Variants in LARS2 observed in about 807,000 individuals in gnomAD.
LARS2 encodes the protein leucine--tRNA ligase, mitochondrial.
In LARS2, 81 loss-of-function variants were observed where a neutral mutation model predicts 116.6. That is an observed-to-expected ratio of 0.69 (90% CI 0.58 to 0.84). LARS2 has a LOEUF of 0.84. LARS2 is among the 40% of genes least tolerant of loss of function. The probability of loss-of-function intolerance (pLI) is 0.00; values close to 1 mark genes in which losing one functional copy is unlikely to be tolerated. For missense variants in LARS2, 968 were observed against 1,114.5 expected (o/e 0.87, Z 1.87); for synonymous variants, 396 against 407.2 (o/e 0.97, Z 0.33).
intron 4 of LARS2, among the ~76,000 whole-genome samples, chr3:45,409,111 C>T (rs1698283352): frequency 2.0e-5 from 3 of 152,126 alleles, no homozygotes; most frequent in African/African-American, 7.2e-5. Flanking sequence ...CTGCAGAATG[C>T]ATTCATGTCC....
At chr3:45,509,319 G>A (rs1700247890) in intron 15 of LARS2, 1 of 152,126 alleles carries the variant, frequency 6.6e-6, no homozygotes, top group African/African-American at 2.4e-5. Flanking sequence ...ACCATCTGTT[G>A]AGTGAATGAA....
intron 3 of LARS2, among the ~76,000 whole-genome samples, chr3:45,397,273 A>T (rs1407825777): frequency 6.6e-6 from 1 of 152,198 alleles, no homozygotes; most frequent in Admixed American, 6.5e-5. Flanking sequence ...CCACCCCCAG[A>T]TGATAGAACT....
intron 15 of LARS2, among the ~76,000 whole-genome samples, chr3:45,509,939 G>A (rs1700261841): frequency 1.3e-5 from 2 of 151,942 alleles, no homozygotes. Context: ...ATAGCATCCA[G>A]TGCCCCACTT....
intron 4 of LARS2, among the ~76,000 whole-genome samples, chr3:45,408,635 C>G (rs537846205): frequency 2.2e-4 from 34 of 152,298 alleles, no homozygotes; most frequent in African/African-American, 8.2e-4. Flanking sequence ...CTGGTTTGGT[C>G]TTCACTAATC....
chr3:45,487,260 G>A (rs1559484600), intron 11 of LARS2, among the ~76,000 whole-genome samples: 2 of 152,078 alleles, frequency 1.3e-5, no homozygotes, highest in Non-Finnish European at 2.9e-5. Flanking sequence ...ACACCTTTTG[G>A]TAGTATATTT....
chr3:45,521,774 T>A (rs1028453960), intron 19 of LARS2, among the ~76,000 whole-genome samples: 1 of 152,178 alleles, frequency 6.6e-6, no homozygotes, highest in African/African-American at 2.4e-5. Flanking sequence ...GTTTTTGTTT[T>A]TTTTTAAATA....
intron 7 of LARS2, among the ~76,000 whole-genome samples, chr3:45,455,292 G>GCAGTACCAAGTATTCA (rs1230533016): frequency 6.7e-6 from 1 of 150,286 alleles, no homozygotes; most frequent in Non-Finnish European, 1.5e-5. Flanking sequence ...CTTGCAATCT[G>GCAGTACCAAGTATTCA]CAGTACCAAG....
chr3:45,427,135 G>T (rs1698607364), intron 6 of LARS2, among the ~76,000 whole-genome samples: 2 of 152,148 alleles, frequency 1.3e-5, no homozygotes, highest in Non-Finnish European at 2.9e-5. Flanking sequence ...ACTGAATCAG[G>T]CCTCCAGATC....
intron 19 of LARS2, 139 bp downstream of exon 19, chr3:45,520,435 C>T (rs1039349493): frequency 1.7e-6 from 1 of 605,286 alleles, no homozygotes; most frequent in African/African-American, 1.9e-5. Context: ...CTTAAGGAAA[C>T]ATTTTTCCAT....
chr3:45,501,486 C>T lies in LARS2; in HGVS notation c.1760+907C>T, dbSNP rs995855303. Among the ~76,000 whole-genome samples, 7 of 152,086 alleles carry T rather than the reference C, an allele frequency of 4.6e-5. No homozygotes were observed. In the East Asian group the frequency reaches 9.7e-4, roughly 21 times the overall value. On this transcript the variant is annotated intron_variant, in intron 15 of 21. Coordinates refer to ENST00000645846, the MANE Select transcript of LARS2 (RefSeq NM_015340.4). ...GTTTTTTGAGATTCAGCAGTGCTGA[C>T]GGATGAAGTTATATTTCATTCCTGT...
intron 8 of LARS2, among the ~76,000 whole-genome samples, chr3:45,463,012 T>C (rs1699359280): frequency 6.6e-6 from 1 of 152,234 alleles, no homozygotes; most frequent in African/African-American, 2.4e-5. Context: ...AGTAGGAGTA[T>C]CTGAAGAACA....
At chr3:45,408,618 C>T (rs1698273277) in intron 4 of LARS2, among the ~76,000 whole-genome samples, 1 of 152,228 alleles carries the variant, frequency 6.6e-6, no homozygotes, top group African/African-American at 2.4e-5. Flanking sequence ...CTCTCTCTCT[C>T]TCTGCCCTGG....
Position 45,491,501 on chromosome 3 carries a change from T to C in LARS2, c.1240-16T>C, listed in dbSNP as rs768048709. 16 of 1,612,016 alleles carry C rather than the reference T, an allele frequency of 9.9e-6. No individual in the cohort carries two copies. The highest frequency in any genetic ancestry group is 1.4e-5 in the Non-Finnish European group (16 of 1,178,270). On this transcript the variant is annotated splice_polypyrimidine_tract_variant and intron_variant, in intron 12 of 21. Transcript: ENST00000645846. ...CTATGCGGAGAGGAGTGAGCTTTCT[T>C]TTCTTTCCCTGTCAGTTCACAGGTA... is the stretch of plus-strand genomic sequence containing the variant.
intron 7 of LARS2, among the ~76,000 whole-genome samples, chr3:45,449,444 G>A (rs1049062538): frequency 1.3e-5 from 2 of 152,120 alleles, no homozygotes; most frequent in Admixed American, 6.5e-5. Context: ...TTATAGGCAT[G>A]AGCCACCATA....
At chr3:45,527,755 A>G (rs967158842) in intron 20 of LARS2, among the ~76,000 whole-genome samples, 2 of 152,256 alleles carry the variant, frequency 1.3e-5, no homozygotes, top group Non-Finnish European at 2.9e-5. Context: ...TGTGTTTCAC[A>G]GTGACCTTGT....
At chr3:45,400,119 C>T (rs1301942391) in intron 3 of LARS2, 126 bp from the exon 4 acceptor site, 5 of 889,684 alleles carry the variant, frequency 5.6e-6, no homozygotes, top group Non-Finnish European at 8.3e-6. Flanking sequence ...ATTCTGGGAA[C>T]ACTCTTTTTA....
chr3:45,420,487 ATT>A (rs1279580799), intron 6 of LARS2, among the ~76,000 whole-genome samples: 1 of 152,080 alleles, frequency 6.6e-6, no homozygotes, highest in Admixed American at 6.6e-5. Context: ...TCAAGTTTAT[ATT>A]GTTTTCTTTA....
At chr3:45,516,806 C>A (rs766525083) in intron 17 of LARS2, among the ~76,000 whole-genome samples, 3 of 152,168 alleles carry the variant, frequency 2.0e-5, no homozygotes, top group South Asian at 2.1e-4. Context: ...TCTTAGTCAC[C>A]CACAGCACCC....
chr3:45,497,765 G>T (rs548712667), intron 14 of LARS2, among the ~76,000 whole-genome samples: 3 of 152,240 alleles, frequency 2.0e-5, no homozygotes, highest in Middle Eastern at 3.4e-3. Context: ...AAATTAGCTG[G>T]ACACGGTGGC....
Sources: allele counts gnomAD v4.1 joint callset (sites outside exome capture counted in the v4.1 genomes callset), GRCh38; gene constraint gnomAD v4.1.1; transcripts MANE v1.5; gene names NCBI Gene and HGNC (gene_info 2026-07-23, HGNC 2026-07-21).